The following XRN1 variants were observed in gnomAD, a reference collection of about 807,000 sequenced individuals.
XRN1 encodes the protein strand-exchange protein 1 homolog.
A neutral mutation model predicts 222.3 loss-of-function variants in XRN1; 67 were observed. The observed-to-expected ratio is 0.30, with a 90% CI of 0.25 to 0.37. The LOEUF is 0.37. Among genes scored for constraint, XRN1 ranks in the 10% least tolerant of loss-of-function variants. XRN1 has a pLI of 1.00. For synonymous variants in XRN1, 643 were observed against 652.4 expected, an observed-to-expected ratio of 0.99 and a Z score of 0.22; for missense variants, 1,707 against 2,000.2, an observed-to-expected ratio of 0.85 and a Z score of 2.80.
intron 14 of XRN1, among the ~76,000 whole-genome samples, chr3:142,412,991 A>G (rs1156272300): frequency 6.6e-6 from 1 of 152,102 alleles, no homozygotes; most frequent in Non-Finnish European, 1.5e-5. Context: ...TTCTATTCAG[A>G]CTTCATTTCA....
intron 22 of XRN1, 120 bp downstream of exon 22, chr3:142,383,180 G>T: frequency 1.3e-6 from 1 of 788,844 alleles, no homozygotes; most frequent in Non-Finnish European, 2.1e-6. Flanking sequence ...TAAGTTACAT[G>T]GATAAATTCT....
chr3:142,424,998 T>C (rs1377951340), intron 5 of XRN1, among the ~76,000 whole-genome samples: 3 of 152,142 alleles, frequency 2.0e-5, no homozygotes, highest in Non-Finnish European at 4.4e-5. Context: ...GCACTAGGAT[T>C]AGTCACACCT....
At position 142,416,148 on chromosome 3, in the gene XRN1, C is replaced by T. The variant is rs2068777943; in HGVS notation, c.1436+992G>A. ...TTTCTAGCCCTTCCTAGAAGTAAGC[C>T]CATTTTTCAATGATTATTCTGTTTA... On this transcript the variant is annotated intron_variant, in intron 13 of 40. Transcript: ENST00000392981. 1.3e-5 allele frequency among the ~76,000 whole-genome samples: 2 copies of T among 151,924 alleles called. 1 individual carries two copies. The highest frequency in any genetic ancestry group is 4.2e-4 in the South Asian group (2 of 4,816).
At chr3:142,388,949 T>G (rs1284662080) in intron 20 of XRN1, among the ~76,000 whole-genome samples, 1 of 152,224 alleles carries the variant, frequency 6.6e-6, no homozygotes, top group Non-Finnish European at 1.5e-5. Context: ...GGCTCATGCC[T>G]ATAATCTAAG....
At chr3:142,443,051 C>A (rs542671668) in intron 1 of XRN1, among the ~76,000 whole-genome samples, 1 of 152,244 alleles carries the variant, frequency 6.6e-6, no homozygotes, top group East Asian at 1.9e-4. Context: ...GTATCTTTAA[C>A]CTCCTTGTTA....
intron 25 of XRN1, 48 bp from the exon 26 acceptor site, chr3:142,371,376 T>G (rs755461042): frequency 7.4e-7 from 1 of 1,355,830 alleles, no homozygotes; most frequent in Non-Finnish European, 1.0e-6. Context: ...ATGGTTAATT[T>G]CGGATAAACT....
At chr3:142,411,204 G>T (rs1407157583) in intron 15 of XRN1, among the ~76,000 whole-genome samples, 3 of 152,154 alleles carry the variant, frequency 2.0e-5, no homozygotes, top group East Asian at 1.9e-4. Context: ...CCCAATATTG[G>T]TAATTTATTT....
At chr3:142,441,606 T>C (rs182452731) in intron 1 of XRN1, among the ~76,000 whole-genome samples, 1 of 152,324 alleles carries the variant, frequency 6.6e-6, no homozygotes, top group East Asian at 1.9e-4. Context: ...GTTAAAATAA[T>C]ACAGGGAAGA....
chr3:142,328,971 C>T (rs1392143396), intron 37 of XRN1, among the ~76,000 whole-genome samples: 1 of 151,484 alleles, frequency 6.6e-6, no homozygotes, highest in Non-Finnish European at 1.5e-5. Flanking sequence ...GTTGCCCAGG[C>T]TGGTCTTAAA....
intron 25 of XRN1, among the ~76,000 whole-genome samples, chr3:142,371,812 A>T (rs2107892301): frequency 6.6e-6 from 1 of 152,350 alleles, no homozygotes; most frequent in South Asian, 2.1e-4. Flanking sequence ...AATCCATTAA[A>T]ATGACAATAT....
chr3:142,419,327 A>G (rs1177060560), intron 10 of XRN1, among the ~76,000 whole-genome samples: 1 of 152,002 alleles, frequency 6.6e-6, no homozygotes, highest in Non-Finnish European at 1.5e-5. Flanking sequence ...AGGGGGGGAA[A>G]AAAAAAGACA....
chr3:142,326,189 T>G (rs2065511229), intron 37 of XRN1, among the ~76,000 whole-genome samples: 1 of 151,868 alleles, frequency 6.6e-6, no homozygotes, highest in Non-Finnish European at 1.5e-5. Context: ...GTCAAGAATG[T>G]CATCGGTATT....
intron 18 of XRN1, among the ~76,000 whole-genome samples, chr3:142,400,961 T>A (rs2068106363): frequency 6.6e-6 from 1 of 151,202 alleles, no homozygotes. Flanking sequence ...TTGAATTAGT[T>A]GCTTTACAAA....
intron 36 of XRN1, among the ~76,000 whole-genome samples, chr3:142,331,865 C>T (rs1560295674): frequency 6.6e-6 from 1 of 152,092 alleles, no homozygotes; most frequent in Non-Finnish European, 1.5e-5. Context: ...ACCTCTGCCT[C>T]CAAGGCTCAA....
chr3:142,445,972 C>T (rs947950473), intron 1 of XRN1, among the ~76,000 whole-genome samples: 6 of 152,200 alleles, frequency 3.9e-5, no homozygotes, highest in Admixed American at 3.3e-4. Context: ...GCTTCCTTCT[C>T]GCTTTTGCAC....
In XRN1 at chr3:142,332,442, G is replaced by A. The variant is rs756143462; in HGVS notation, c.4155C>T (p.Ile1385=). Residue 1385 remains isoleucine, a synonymous_variant, in exon 36 of 41, where the codon ATC becomes ATT. Transcript: ENST00000392981. The part of the protein sequence containing the change: ...KNEIKQIANE[I]PVSSNRRDEY... ...CATCTCTTCTGTTAGAGGAAACAGG[G>A]ATTTCATTAGCAATCTGTTTGATTT... 4.3e-6 allele frequency: 7 copies of A among 1,612,958 alleles called. No individual in the cohort carries two copies. The African/African-American group carries it at 9.3e-5, about 22-fold the overall frequency.
chr3:142,389,681 A>G (rs1287466629), intron 20 of XRN1, among the ~76,000 whole-genome samples: 1 of 152,068 alleles, frequency 6.6e-6, no homozygotes, highest in Non-Finnish European at 1.5e-5. Context: ...CACCACGCTC[A>G]GCTAATTTTT....
Position 142,401,774 on chromosome 3 carries a change from C to T in XRN1, c.2104-1227G>A, listed in dbSNP as rs570422422. Among the ~76,000 whole-genome samples the T allele has an allele frequency of 2.0e-4, 30 of 152,110 alleles. No individual in the cohort carries two copies. In the South Asian group the frequency reaches 5.6e-3, roughly 28 times the overall value. ...CTTAATACTTGCTACCTTTACTTCC[C>T]GTCTACACAATCTTAGCCTAGTTCT... On this transcript the variant is annotated intron_variant, in intron 18 of 40. Transcript: ENST00000392981.
At chr3:142,318,374 AAGGGCCTGCC>A (rs1405317564) in intron 39 of XRN1, among the ~76,000 whole-genome samples, 1 of 152,162 alleles carries the variant, frequency 6.6e-6, no homozygotes, top group Non-Finnish European at 1.5e-5. Context: ...ACTGGAGAAT[AAGGGCCTGCC>A]CACTCAACCT....
Sources: gnomAD v4.1 joint callset for allele counts (sites outside exome capture counted in the v4.1 genomes callset) on GRCh38, gnomAD v4.1.1 for gene constraint, MANE v1.5 for transcripts, NCBI Gene and HGNC (gene_info 2026-07-23, HGNC 2026-07-21) for gene names.